Variants in VGLL4 observed in about 807,000 individuals in gnomAD.
The protein encoded by VGLL4 is vestigial like family member 4, also known as transcription cofactor vestigial-like protein 4.
VGLL4 carries 7 observed loss-of-function variants against 21.0 expected under a neutral mutation model. That is an observed-to-expected ratio of 0.33 (90% CI 0.19 to 0.63). VGLL4 has a LOEUF of 0.63. VGLL4 is among the 20% of genes least tolerant of loss of function. The pLI is 0.78. For synonymous variants in VGLL4, 222 were observed against 173.2 expected, an observed-to-expected ratio of 1.28 and a Z score of -2.21; for missense variants, 394 against 425.7, an observed-to-expected ratio of 0.93 and a Z score of 0.66.
intron 3 of VGLL4, among the ~76,000 whole-genome samples, chr3:11,559,869 C>G (rs540181253): frequency 6.6e-6 from 1 of 152,148 alleles, no homozygotes. Context: ...TGGAGCCATC[C>G]AGGACACTTC....
Position 11,643,426 on chromosome 3 carries a change from G to A in VGLL4, c.82+11C>T. Reference sequence around the variant, plus strand: ...GAGCAACGGGCAGTAATTCTACAACGGGACATCTACCTTCGTAGCACAGAA... The same window carrying A: ...GAGCAACGGGCAGTAATTCTACAACAGGACATCTACCTTCGTAGCACAGAA... On this transcript the variant is annotated intron_variant, in intron 1 of 4. Coordinates refer to ENST00000430365, the MANE Select transcript of VGLL4 (RefSeq NM_001128219.3). 3 of 1,613,994 alleles carry A rather than the reference G, an allele frequency of 1.9e-6. No individual in the cohort carries two copies. The highest frequency in any genetic ancestry group is 2.2e-5 in the South Asian group (2 of 91,086).
Position 11,665,408 on chromosome 3 carries a change from C to A in VGLL4, c.64+37563G>T, listed in dbSNP as rs140162513. On this transcript the variant is annotated intron_variant, in intron 2 of 5. Transcript: ENST00000273038. ...GATTACAGGCCTGAGCCACCGCGCCCGGCCAAACATCTTAATCCACTCTAA... is the reference window on the plus strand; with the variant it reads ...GATTACAGGCCTGAGCCACCGCGCCAGGCCAAACATCTTAATCCACTCTAA... Among the ~76,000 whole-genome samples the A allele has an allele frequency of 5.8e-3, 886 of 152,268 alleles. 9 individuals are homozygous for A. Among genetic ancestry groups the A allele is most frequent in the African/African-American group, 0.02 (842 of 41,538 alleles).
At chr3:11,700,352 TA>T (rs1460425561) in intron 2 of VGLL4, among the ~76,000 whole-genome samples, 1 of 152,210 alleles carries the variant, frequency 6.6e-6, no homozygotes, top group Non-Finnish European at 1.5e-5. Flanking sequence ...TTGGGCATTG[TA>T]AAAGAGAGAA....
chr3:11,623,909 T>C (rs986634969), intron 1 of VGLL4, among the ~76,000 whole-genome samples: 1 of 151,834 alleles, frequency 6.6e-6, no homozygotes, highest in Non-Finnish European at 1.5e-5. Flanking sequence ...CTTGGTTAAT[T>C]TTTTGTATTT....
chr3:11,584,596 A>T (rs73812500), intron 2 of VGLL4, among the ~76,000 whole-genome samples: 4,057 of 152,230 alleles, frequency 0.027, 90 homozygotes, highest in South Asian at 0.076. Context: ...ATGAGATGGG[A>T]GGAAGGATGG....
intron 2 of VGLL4, among the ~76,000 whole-genome samples, chr3:11,672,182 G>C (rs1286976095): frequency 6.6e-6 from 1 of 152,170 alleles, no homozygotes; most frequent in African/African-American, 2.4e-5. Context: ...ATCCTGTAAA[G>C]ATAACAAGGA....
chr3:11,654,579 G>C (rs1263686043), intron 2 of VGLL4, among the ~76,000 whole-genome samples: 1 of 152,174 alleles, frequency 6.6e-6, no homozygotes. Flanking sequence ...CAAATAAAAC[G>C]AGGTATGAGA....
At chr3:11,582,099 G>T (rs1032207502) in intron 2 of VGLL4, among the ~76,000 whole-genome samples, 4 of 152,210 alleles carry the variant, frequency 2.6e-5, no homozygotes, top group African/African-American at 9.7e-5. Context: ...GGACAAGGTG[G>T]CGTTTGGGGA....
chr3:11,576,152 C>T (rs2125206901), intron 2 of VGLL4, among the ~76,000 whole-genome samples: 1 of 152,270 alleles, frequency 6.6e-6, no homozygotes, highest in Admixed American at 6.5e-5. Flanking sequence ...GCAACTGTTG[C>T]CAGGGAAGTA....
intron 2 of VGLL4, among the ~76,000 whole-genome samples, chr3:11,699,129 A>T (rs1303265611): frequency 6.6e-6 from 1 of 152,256 alleles, no homozygotes; most frequent in Admixed American, 6.5e-5. Context: ...GCTAAAATAG[A>T]ATTAATGTAG....
intron 1 of VGLL4, among the ~76,000 whole-genome samples, chr3:11,610,076 G>A (rs552032894): frequency 2.0e-5 from 3 of 152,090 alleles, no homozygotes; most frequent in Non-Finnish European, 4.4e-5. Context: ...CAAGCCAGCC[G>A]CGCTGCACTG....
In VGLL4 at chr3:11,563,782, C is replaced by T. The variant is rs756344858; in HGVS notation, c.495+1015G>A. The stretch of plus-strand genomic sequence containing the variant: ...GTGCCATTTTGTTAAATGGATGAAT[C>T]AAACAAACAGGATTACCATGTCAGG... On this transcript the variant is annotated intron_variant, in intron 3 of 4. Transcript: ENST00000430365. 9.9e-4 allele frequency among the ~76,000 whole-genome samples: 151 copies of T among 152,156 alleles called. 1 individual carries two copies. The highest frequency in any genetic ancestry group is 1.5e-3 in the Non-Finnish European group (100 of 68,032).
At chr3:11,694,872 T>C (rs754841048) in intron 2 of VGLL4, among the ~76,000 whole-genome samples, 57 of 152,148 alleles carry the variant, frequency 3.7e-4, no homozygotes, top group Non-Finnish European at 6.2e-4. Context: ...GCAGCAGATC[T>C]TCATCTGTTG....
chr3:11,614,524 A>G (rs2075124472), intron 1 of VGLL4, among the ~76,000 whole-genome samples: 2 of 152,210 alleles, frequency 1.3e-5, no homozygotes, highest in Non-Finnish European at 2.9e-5. Flanking sequence ...AAATCTCATT[A>G]TCAGTTCCAA....
chr3:11,603,642 A>G (rs1427545369), intron 1 of VGLL4, among the ~76,000 whole-genome samples: 17 of 152,178 alleles, frequency 1.1e-4, no homozygotes, highest in Non-Finnish European at 2.4e-4. Context: ...GGAACGCAGC[A>G]ACTGCAAATC....
chr3:11,686,877 T>C lies in VGLL4; in HGVS notation c.64+16094A>G, dbSNP rs537445351. 4.1e-4 allele frequency among the ~76,000 whole-genome samples: 63 copies of C among 152,324 alleles called. No homozygotes were observed. The South Asian group carries it at 0.012, about 29-fold the overall frequency. ...TAGGTTGAATAGATTATAACCACCA[T>C]TATTGTTGTTATCTTCTAATGAAGT... On this transcript the variant is annotated intron_variant, in intron 2 of 5. Coordinates refer to the VGLL4 transcript ENST00000273038.
At position 11,662,200 on chromosome 3, in the gene VGLL4, G is replaced by A. The variant is rs1372903186; in HGVS notation, c.64+40771C>T. On this transcript the variant is annotated intron_variant, in intron 2 of 5. Transcript: ENST00000273038. ...GAAAACCCCAAGAGAAATGAAGGCA[G>A]AACCTGAGAACACCATGATCCTCTG... 6.6e-5 allele frequency among the ~76,000 whole-genome samples: 10 copies of A among 152,184 alleles called. No individual in the cohort carries two copies. In the East Asian group the frequency reaches 1.9e-3, roughly 29 times the overall value.
intron 1 of VGLL4, among the ~76,000 whole-genome samples, chr3:11,637,941 T>G (rs1028913117): frequency 6.6e-6 from 1 of 152,176 alleles, no homozygotes; most frequent in Non-Finnish European, 1.5e-5. Flanking sequence ...TGTGCAATAA[T>G]AAATACCACT....
At chr3:11,620,619 G>A (rs923072502) in intron 1 of VGLL4, among the ~76,000 whole-genome samples, 4 of 152,162 alleles carry the variant, frequency 2.6e-5, no homozygotes. Flanking sequence ...ACTGAGCCAC[G>A]CTAAATAAAG....
Sources: allele counts gnomAD v4.1 joint callset (sites outside exome capture counted in the v4.1 genomes callset), GRCh38; gene constraint gnomAD v4.1.1; transcripts MANE v1.5; gene names NCBI Gene and HGNC (gene_info 2026-07-23, HGNC 2026-07-21).